Variants in RBFOX1 observed in about 807,000 individuals in gnomAD.
RBFOX1 encodes RNA binding protein fox-1 homolog 1.
In RBFOX1, 8 loss-of-function variants were observed where a neutral mutation model predicts 57.7. The ratio of observed to expected loss-of-function variants is 0.14; its 90% confidence interval spans 0.08 to 0.25. The LOEUF (loss-of-function observed/expected upper bound fraction) is 0.25. Ranked by LOEUF, RBFOX1 falls within the 10% of genes least tolerant of loss-of-function variation. RBFOX1 has a pLI of 1.00. For synonymous variants in RBFOX1, 326 were observed against 222.4 expected (o/e 1.47, Z -4.15); for missense variants, 611 against 548.5 (o/e 1.11, Z -1.14).
At chr16:6,922,519 A>T (rs1193852917) in intron 3 of RBFOX1, among the ~76,000 whole-genome samples, 3 of 151,668 alleles carry the variant, frequency 2.0e-5, no homozygotes, top group African/African-American at 7.3e-5. Flanking sequence ...CCACATTTAA[A>T]ATCTTTTATT....
intron 3 of RBFOX1, among the ~76,000 whole-genome samples, chr16:5,742,111 C>T (rs1430283933): frequency 6.6e-6 from 1 of 152,186 alleles, no homozygotes; most frequent in African/African-American, 2.4e-5. Flanking sequence ...TAAGGATTTT[C>T]AGAGTGATAG....
intron 1 of RBFOX1, among the ~76,000 whole-genome samples, chr16:6,260,397 T>C (rs1468393874): frequency 6.6e-6 from 1 of 152,112 alleles, no homozygotes; most frequent in African/African-American, 2.4e-5. Context: ...CCCAAAATGT[T>C]GCAGCCAGGT....
intron 1 of RBFOX1, among the ~76,000 whole-genome samples, chr16:6,143,615 G>A (rs1368021928): frequency 6.6e-6 from 1 of 152,072 alleles, no homozygotes; most frequent in Non-Finnish European, 1.5e-5. Context: ...GATGATAATT[G>A]CCCCAAATCA....
chr16:5,899,472 C>T (rs1416431111), intron 4 of RBFOX1, among the ~76,000 whole-genome samples: 1 of 152,130 alleles, frequency 6.6e-6, no homozygotes, highest in African/African-American at 2.4e-5. Context: ...ACCAAAGTAG[C>T]ATTTGAAATC....
At chr16:7,063,241 G>A (rs1598473579) in intron 4 of RBFOX1, among the ~76,000 whole-genome samples, 1 of 152,088 alleles carries the variant, frequency 6.6e-6, no homozygotes, top group Non-Finnish European at 1.5e-5. Context: ...AGGAAGAGAG[G>A]TCTGTGCTTC....
At chr16:5,512,554 G>A (rs773446486) in intron 2 of RBFOX1, among the ~76,000 whole-genome samples, 2 of 152,120 alleles carry the variant, frequency 1.3e-5, no homozygotes, top group South Asian at 2.1e-4. Flanking sequence ...TCATTTATGA[G>A]CTCTGTGACC....
At chr16:5,585,247 C>A (rs1014094962) in intron 2 of RBFOX1, among the ~76,000 whole-genome samples, 4 of 152,154 alleles carry the variant, frequency 2.6e-5, no homozygotes, top group African/African-American at 9.7e-5. Context: ...TATTTCACAT[C>A]AGTAAAATTA....
chr16:7,642,992 A>G (rs999123144), intron 11 of RBFOX1, among the ~76,000 whole-genome samples: 7 of 152,210 alleles, frequency 4.6e-5, no homozygotes, highest in African/African-American at 1.7e-4. Context: ...TCTGCATAGT[A>G]AAAACATATC....
Position 7,421,628 on chromosome 16 carries a change from G to A in RBFOX1, c.28-96519G>A, listed in dbSNP as rs561260060. Among the ~76,000 whole-genome samples, 4 of 152,342 alleles carry A rather than the reference G, an allele frequency of 2.6e-5. No homozygotes were observed. The South Asian group carries it at 8.3e-4, about 32-fold the overall frequency. On this transcript the variant is annotated intron_variant, in intron 4 of 15. Transcript: ENST00000550418. ...AGACTGCCGAGGCCCCCAGTTGGCT[G>A]CTGCTTCCAGAGACTGCAGGCTTAC...
chr16:6,810,726 C>T (rs1241489821), intron 3 of RBFOX1, among the ~76,000 whole-genome samples: 6 of 152,068 alleles, frequency 3.9e-5, no homozygotes, highest in Admixed American at 1.3e-4. Flanking sequence ...AAGCAAATAC[C>T]TTCTTCACAG....
intron 4 of RBFOX1, among the ~76,000 whole-genome samples, chr16:7,059,361 A>G (rs1181436267): frequency 6.6e-6 from 1 of 152,186 alleles, no homozygotes; most frequent in Non-Finnish European, 1.5e-5. Context: ...TTCGTTGTAG[A>G]AATGCCTGCT....
Position 5,991,500 on chromosome 16 carries a change from C to G in RBFOX1, c.351+124165C>G, listed in dbSNP as rs117492886. The stretch of plus-strand genomic sequence containing the variant: ...GGATTAATATCTCTGGAGACCTTTA[C>G]GGAAGTATTATTTATTGATAAGGAC... On this transcript the variant is annotated intron_variant, in intron 4 of 19. Transcript: ENST00000641259. Among the ~76,000 whole-genome samples the G allele has an allele frequency of 5.8e-3, 881 of 152,154 alleles. 29 individuals are homozygous for G. Among genetic ancestry groups the G allele is most frequent in the Admixed American group, 0.042 (645 of 15,278 alleles).
intron 1 of RBFOX1, among the ~76,000 whole-genome samples, chr16:6,161,722 C>T (rs1597924927): frequency 1.3e-5 from 2 of 152,218 alleles, no homozygotes; most frequent in Admixed American, 6.5e-5. Flanking sequence ...CATCTACACA[C>T]ACCTGGCTTA....
At chr16:6,911,716 A>C (rs940074100) in intron 3 of RBFOX1, among the ~76,000 whole-genome samples, 1 of 152,148 alleles carries the variant, frequency 6.6e-6, no homozygotes, top group African/African-American at 2.4e-5. Context: ...CTATTTAATA[A>C]CACTTTTATT....
intron 4 of RBFOX1, among the ~76,000 whole-genome samples, chr16:7,134,219 C>T (rs1402628498): frequency 6.6e-6 from 1 of 152,040 alleles, no homozygotes; most frequent in Non-Finnish European, 1.5e-5. Context: ...AGATTTTTGC[C>T]ATTTGGATGG....
At chr16:5,240,344 T>C (rs1239144799) in intron 1 of RBFOX1, among the ~76,000 whole-genome samples, 1 of 151,790 alleles carries the variant, frequency 6.6e-6, no homozygotes, top group East Asian at 2.0e-4. Flanking sequence ...AGGAGCCCCG[T>C]TGGACTCTGC....
chr16:7,072,226 T>C (rs2153779737), intron 4 of RBFOX1, among the ~76,000 whole-genome samples: 1 of 152,368 alleles, frequency 6.6e-6, no homozygotes, highest in South Asian at 2.1e-4. Flanking sequence ...TTATGATCAC[T>C]GAACCTTCTA....
At chr16:6,780,537 TACATTTACATATATATTTAC>T (rs2080808553) in intron 3 of RBFOX1, among the ~76,000 whole-genome samples, 1 of 129,366 alleles carries the variant, frequency 7.7e-6, no homozygotes, top group Admixed American at 8.7e-5. Flanking sequence ...TATTTATATA[TACATTTACATATATATTTAC>T]ATATTTATAT....
At chr16:5,666,093 G>A (rs1394030303) in intron 3 of RBFOX1, among the ~76,000 whole-genome samples, 11 of 152,228 alleles carry the variant, frequency 7.2e-5, no homozygotes, top group Non-Finnish European at 1.0e-4. Context: ...GAGCAAGGAT[G>A]CCCCCAAGGG....
Sources: gnomAD v4.1 joint callset for allele counts (sites outside exome capture counted in the v4.1 genomes callset) on GRCh38, gnomAD v4.1.1 for gene constraint, MANE v1.5 for transcripts, NCBI Gene and HGNC (gene_info 2026-07-23, HGNC 2026-07-21) for gene names.